The following CHST11 variants were observed in gnomAD, a reference collection of about 807,000 sequenced individuals.
CHST11 encodes the protein C4S-1.
In CHST11, 9 loss-of-function variants were observed where a neutral mutation model predicts 30.4. The ratio of observed to expected loss-of-function variants is 0.30; its 90% CI spans 0.18 to 0.52. The LOEUF (loss-of-function observed/expected upper bound fraction) is 0.52. Among genes scored for constraint, CHST11 ranks in the 20% least tolerant of loss-of-function variants. The pLI, the probability that CHST11 is intolerant of heterozygous loss-of-function variation, is 0.97. For synonymous variants in CHST11, 152 were observed against 187.8 expected (o/e 0.81, Z 1.56); for missense variants, 348 against 460.6 (o/e 0.76, Z 2.24).
At position 104,457,124 on chromosome 12, in the gene CHST11, C is replaced by T; in HGVS notation, c.-288C>T. 1 of 249,238 alleles carries T rather than the reference C, an allele frequency of 4.0e-6. No individual in the cohort carries two copies. Among genetic ancestry groups the T allele is most frequent in the East Asian group, 7.5e-5 (1 of 13,358 alleles). The allele number at this position is 249,238 out of a possible 1,614,324, so 15.4% of individuals were successfully genotyped here. On this transcript the variant is annotated 5_prime_UTR_variant, in exon 1 of 3. Transcript: ENST00000303694. ...CCGGCCCGCGACCAGGCAGCGGCGG[C>T]CGCCGGCGGGATCGGAGGAGGCGGC...
intron 1 of CHST11, among the ~76,000 whole-genome samples, chr12:104,599,677 T>G (rs1467439601): frequency 6.6e-6 from 1 of 152,196 alleles, no homozygotes; most frequent in Non-Finnish European, 1.5e-5. Flanking sequence ...CTTTAATGTA[T>G]TGACATTTGC....
chr12:104,579,602 A>G (rs1565994636), intron 1 of CHST11, among the ~76,000 whole-genome samples: 1 of 152,234 alleles, frequency 6.6e-6, no homozygotes, highest in Non-Finnish European at 1.5e-5. Context: ...ATGTAATTTC[A>G]AGAGAATGAT....
At chr12:104,679,438 TC>T (rs2039773570) in intron 2 of CHST11, among the ~76,000 whole-genome samples, 1 of 151,886 alleles carries the variant, frequency 6.6e-6, no homozygotes. Context: ...CTGCTCCATA[TC>T]CCCCTGAGCC....
At chr12:104,554,631 G>A (rs567191532) in intron 1 of CHST11, among the ~76,000 whole-genome samples, 2 of 152,328 alleles carry the variant, frequency 1.3e-5, no homozygotes, top group African/African-American at 4.8e-5. Flanking sequence ...TGCTGGGGAG[G>A]ATGGAGGAGG....
chr12:104,711,499 T>G (rs1432287672), intron 2 of CHST11, among the ~76,000 whole-genome samples: 1 of 152,138 alleles, frequency 6.6e-6, no homozygotes, highest in Non-Finnish European at 1.5e-5. Context: ...AATGGCGATT[T>G]CCCAATTAAT....
At chr12:104,502,247 G>A (rs556300110) in intron 1 of CHST11, among the ~76,000 whole-genome samples, 4 of 151,912 alleles carry the variant, frequency 2.6e-5, no homozygotes, top group Non-Finnish European at 5.9e-5. Flanking sequence ...TGGTCTTGCT[G>A]TGTTGCCAAG....
At chr12:104,756,840 C>A in intron 2 of CHST11, 109 bp from the exon 3 acceptor site, 1 of 1,339,286 alleles carries the variant, frequency 7.5e-7, no homozygotes. Context: ...AGCCACTGCA[C>A]CCAGCTTAGA....
At chr12:104,646,840 C>T (rs952847688) in intron 2 of CHST11, among the ~76,000 whole-genome samples, 2 of 152,218 alleles carry the variant, frequency 1.3e-5, no homozygotes, top group African/African-American at 4.8e-5. Context: ...CTTATTCATT[C>T]ATCCATTCAT....
intron 1 of CHST11, among the ~76,000 whole-genome samples, chr12:104,545,749 A>G (rs554084154): frequency 6.6e-6 from 1 of 152,268 alleles, no homozygotes; most frequent in East Asian, 1.9e-4. Context: ...GGGTTTGCAG[A>G]TGGCTAACTT....
chr12:104,731,548 G>A (rs2040258022), intron 2 of CHST11, among the ~76,000 whole-genome samples: 1 of 152,202 alleles, frequency 6.6e-6, no homozygotes, highest in Admixed American at 6.5e-5. Context: ...CTCGAGGGCT[G>A]TGGCTCTAAG....
chr12:104,747,406 A>G (rs2040397061), intron 2 of CHST11, among the ~76,000 whole-genome samples: 1 of 152,218 alleles, frequency 6.6e-6, no homozygotes, highest in African/African-American at 2.4e-5. Flanking sequence ...GAGTGTGAAG[A>G]TCAACAGTAG....
At chr12:104,750,998 T>TG (rs2040427425) in intron 2 of CHST11, among the ~76,000 whole-genome samples, 1 of 151,532 alleles carries the variant, frequency 6.6e-6, no homozygotes, top group African/African-American at 2.5e-5. Flanking sequence ...GTGTGCCTTG[T>TG]TGTGGCAGGT....
intron 2 of CHST11, among the ~76,000 whole-genome samples, chr12:104,646,501 A>T (rs1381480000): frequency 6.6e-6 from 1 of 152,112 alleles, no homozygotes; most frequent in Non-Finnish European, 1.5e-5. Flanking sequence ...TGGGAGGCCG[A>T]GGTGGGTGGA....
intron 2 of CHST11, among the ~76,000 whole-genome samples, chr12:104,704,833 G>A (rs1404562306): frequency 6.6e-6 from 1 of 152,000 alleles, no homozygotes; most frequent in Non-Finnish European, 1.5e-5. Flanking sequence ...GCGGAAGGTT[G>A]TTGTCACATC....
At chr12:104,487,298 G>C (rs2037689974) in intron 1 of CHST11, among the ~76,000 whole-genome samples, 1 of 152,190 alleles carries the variant, frequency 6.6e-6, no homozygotes, top group Non-Finnish European at 1.5e-5. Context: ...GGGTCTCACT[G>C]TCTTCCAGGC....
chr12:104,504,502 C>G (rs1185685196), intron 1 of CHST11, among the ~76,000 whole-genome samples: 1 of 152,200 alleles, frequency 6.6e-6, no homozygotes, highest in Non-Finnish European at 1.5e-5. Context: ...TCTCTCGGGT[C>G]TGGTGACTTC....
chr12:104,646,661 T>C (rs920081562), intron 2 of CHST11, among the ~76,000 whole-genome samples: 1 of 152,160 alleles, frequency 6.6e-6, no homozygotes, highest in African/African-American at 2.4e-5. Flanking sequence ...ATTGCGCCAC[T>C]GCACTCCAAC....
intron 2 of CHST11, among the ~76,000 whole-genome samples, chr12:104,692,495 A>G (rs936444423): frequency 5.3e-5 from 8 of 152,222 alleles, no homozygotes; most frequent in African/African-American, 1.9e-4. Context: ...TATTTTACAG[A>G]GGAGAGAATT....
chr12:104,491,040 C>T (rs1042255594), intron 1 of CHST11, among the ~76,000 whole-genome samples: 15 of 151,400 alleles, frequency 9.9e-5, no homozygotes, highest in African/African-American at 2.4e-4. Flanking sequence ...TTTTGATCTC[C>T]GTCTTAACAT....
Sources: gnomAD v4.1 joint callset for allele counts (sites outside exome capture counted in the v4.1 genomes callset) on GRCh38, gnomAD v4.1.1 for gene constraint, MANE v1.5 for transcripts, NCBI Gene and HGNC (gene_info 2026-07-23, HGNC 2026-07-21) for gene names.